ZNF500: variants seen among roughly 807,000 people sequenced by gnomAD.
ZNF500 encodes zinc finger protein with KRAB and SCAN domains 18.
ZNF500 carries 31 observed loss-of-function variants against 30.1 expected under a neutral mutation model. That is an observed-to-expected ratio of 1.03 (90% CI 0.77 to 1.39). The LOEUF is 1.39. Ranked by LOEUF, ZNF500 falls within the 40% of genes most tolerant of loss-of-function variation. The pLI, the probability that ZNF500 is intolerant of heterozygous loss-of-function variation, is 0.00. For synonymous variants in ZNF500, 392 were observed against 282.0 expected (o/e 1.39, Z -3.91); for missense variants, 817 against 657.8 (o/e 1.24, Z -2.65).
In ZNF500 at chr16:4,749,060, TG is replaced by T. The variant is rs2142218795; in HGVS notation, c.*3315del. 1 of 152,524 alleles carries T rather than the reference TG, an allele frequency of 6.6e-6. No homozygotes were observed. The highest frequency in any genetic ancestry group is 2.1e-4 in the South Asian group (1 of 4,836). The allele number at this position is 152,524 out of a possible 1,614,324, so 9.4% of individuals were successfully genotyped here. A position where few individuals can be genotyped will look rare whatever the true frequency, so the allele number is the denominator to read the frequency against. On this transcript the variant is annotated 3_prime_UTR_variant, in exon 6 of 6. Coordinates refer to ENST00000219478, the MANE Select transcript of ZNF500 (RefSeq NM_021646.4). ...TCCCAATGATGAGGGGCATTTTCAT[TG>T]CAAGTCAAAGGCAAGACAGGCTTCC...
At chr16:4,746,144 C>A (rs1317009763), downstream of ZNF500, 4 of 470,324 alleles carry the variant, frequency 8.5e-6, no homozygotes, top group African/African-American at 5.9e-5. Context: ...GCTACACTTA[C>A]CACAGATAGA....
At chr16:4,756,169 G>A (rs939625909) in intron 5 of ZNF500, among the ~76,000 whole-genome samples, 2 of 152,184 alleles carry the variant, frequency 1.3e-5, no homozygotes, top group South Asian at 2.1e-4. Flanking sequence ...ATGCCGATGC[G>A]GGCTGATCAT....
downstream of ZNF500, chr16:4,746,125 T>C: frequency 2.4e-6 from 1 of 420,974 alleles, no homozygotes; most frequent in Non-Finnish European, 4.2e-6. Context: ...TAGCCACTTG[T>C]GCCAAGTGGC....
Position 4,760,583 on chromosome 16 carries a change from G to C in ZNF500, c.669C>G (p.Pro223=), listed in dbSNP as rs142352672. The part of the protein sequence containing the change: ...SPFLSAWSQV[P]VNLEDVAVYL... ...ATACAGCCACGTCCTCCAAGTTCAC[G>C]GGCACCTGCCAGAACGCACCCCACT... Residue 223 remains proline, a synonymous_variant, in exon 5 of 6, where the codon CCC becomes CCG. Transcript: ENST00000219478. 6.2e-7 allele frequency: 1 copy of C among 1,612,944 alleles called. No individual in the cohort carries two copies. The highest frequency in any genetic ancestry group is 8.5e-7 in the Non-Finnish European group (1 of 1,179,484).
chr16:4,746,561 G>C, downstream of ZNF500: 2 of 1,577,508 alleles, frequency 1.3e-6, no homozygotes, highest in Non-Finnish European at 1.7e-6. Context: ...TTGCAGAGTT[G>C]CCTGTTGACC....
In ZNF500 at chr16:4,749,809, C is replaced by G. The variant is rs1211962406; in HGVS notation, c.*2567G>C. The G allele has an allele frequency of 6.6e-6, 1 of 152,146 alleles. No individual in the cohort carries two copies. The highest frequency in any genetic ancestry group is 1.5e-5 in the Non-Finnish European group (1 of 68,060). The allele number at this position is 152,146 out of a possible 1,614,324, so 9.4% of individuals were successfully genotyped here. ...CCTGGGTAATGAAGTGAGACTGTGT[C>G]TCAAAACAAAACAAAAAAAGGAGAC... On this transcript the variant is annotated 3_prime_UTR_variant, in exon 6 of 6. Coordinates refer to ENST00000219478, the MANE Select transcript of ZNF500 (RefSeq NM_021646.4).
At chr16:4,760,286 G>A (rs1208539324) in intron 5 of ZNF500, among the ~76,000 whole-genome samples, 2 of 152,124 alleles carry the variant, frequency 1.3e-5, no homozygotes, top group African/African-American at 4.8e-5. Flanking sequence ...AGAACAGGAT[G>A]GCAAGGCAGT....
At chr16:4,747,295 G>A, downstream of ZNF500, 1 of 1,514,428 alleles carries the variant, frequency 6.6e-7, no homozygotes, top group East Asian at 2.3e-5. Context: ...AGGGCTGGGA[G>A]GGGCGGCCCC....
At position 4,751,581 on chromosome 16, in the gene ZNF500, G is replaced by T; in HGVS notation, c.*795C>A. The T allele has an allele frequency of 2.6e-6, 4 of 1,534,446 alleles. No individual in the cohort carries two copies. Among genetic ancestry groups the T allele is most frequent in the Non-Finnish European group, 3.5e-6 (4 of 1,146,506 alleles). On this transcript the variant is annotated 3_prime_UTR_variant, in exon 6 of 6. Coordinates refer to ENST00000219478, the MANE Select transcript of ZNF500 (RefSeq NM_021646.4). ...GAAGCTGGAGACCACGTCCTGGGAAGGCTGGGGTACAGCAGGGCTCCCTGC... is the reference window on the plus strand; with the variant it reads ...GAAGCTGGAGACCACGTCCTGGGAATGCTGGGGTACAGCAGGGCTCCCTGC...
chr16:4,747,340 C>A (rs773664937), downstream of ZNF500: 6 of 1,560,662 alleles, frequency 3.8e-6, no homozygotes, highest in Admixed American at 7.5e-5. Context: ...CATTGTGTCA[C>A]AGGACCTGTA....
At chr16:4,762,507 C>T in intron 3 of ZNF500, 66 bp downstream of exon 3, 1 of 1,549,878 alleles carries the variant, frequency 6.5e-7, no homozygotes, top group South Asian at 1.2e-5. Flanking sequence ...CCACAGTCCA[C>T]ACCCCAGTCA....
intron 5 of ZNF500, chr16:4,758,191 T>G (rs1436320258): frequency 6.6e-6 from 1 of 152,126 alleles, no homozygotes; most frequent in Non-Finnish European, 1.5e-5. Flanking sequence ...TGAGTCACCG[T>G]GCCTGGCCAT....
At chr16:4,745,051 G>A, downstream of ZNF500, 1 of 1,598,694 alleles carries the variant, frequency 6.3e-7, no homozygotes, top group Non-Finnish European at 8.6e-7. Flanking sequence ...TGGTCCTTTA[G>A]AATGGCCCCA....
At position 4,748,634 on chromosome 16, in the gene ZNF500, T is replaced by C. The variant is rs2082048944; in HGVS notation, c.*3742A>G. 6.6e-6 allele frequency: 1 copy of C among 152,366 alleles called. No individual in the cohort carries two copies. Among genetic ancestry groups the C allele is most frequent in the African/African-American group, 2.4e-5 (1 of 41,452 alleles). The allele number at this position is 152,366 out of a possible 1,614,324, so 9.4% of individuals were successfully genotyped here. A position where few individuals can be genotyped will look rare whatever the true frequency, so the allele number is the denominator to read the frequency against. On this transcript the variant is annotated 3_prime_UTR_variant, in exon 6 of 6. Transcript: ENST00000219478. ...GGGTCCTGTTCCTTTGCCAGCACCG[T>C]CTTGCAGCCCCGTCTTCACGGGATG...
downstream of ZNF500, chr16:4,747,183 C>A: frequency 8.3e-7 from 1 of 1,208,262 alleles, no homozygotes; most frequent in Non-Finnish European, 1.2e-6. Context: ...CTGCCCACGT[C>A]CACTGGGTCC....
intron 2 of ZNF500, chr16:4,762,962 C>A (rs1467437869): frequency 1.0e-6 from 1 of 985,322 alleles, no homozygotes. Flanking sequence ...CTCCCTGTCA[C>A]CACAATCGTT....
chr16:4,766,291 A>G (rs967951996), intron 1 of ZNF500, among the ~76,000 whole-genome samples: 2 of 152,176 alleles, frequency 1.3e-5, no homozygotes, highest in Admixed American at 6.5e-5. Flanking sequence ...GGGCAAACAG[A>G]GATGATAACA....
Position 4,765,799 on chromosome 16 carries a change from C to A in ZNF500, c.180G>T (p.Glu60Asp), listed in dbSNP as rs2082258899. The A allele has an allele frequency of 6.2e-7, 1 of 1,613,190 alleles. No individual in the cohort carries two copies. The highest frequency in any genetic ancestry group is 1.3e-5 in the African/African-American group (1 of 74,942). The change falls in exon 2 of 6, where the codon GAG (glutamate) becomes GAT (aspartate). Residue 60 changes from glutamate (E) to aspartate (D), a missense_variant. Transcript: ENST00000219478. The stretch of plus-strand genomic sequence containing the variant: ...TCAGGGCCTCCCGGGGCCCAGCCAC[C>A]TCCTGGTAGCAGAAGAGCCGGAAGA... The part of the protein sequence containing the change: ...RQLFRLFCYQ[E>D]VAGPREALSR...
At chr16:4,747,816 G>T (rs945852438), downstream of ZNF500, among the ~76,000 whole-genome samples, 3 of 152,114 alleles carry the variant, frequency 2.0e-5, no homozygotes, top group Non-Finnish European at 2.9e-5. Flanking sequence ...TTAGAGGAAG[G>T]ATGCAGATAC....
Sources: allele counts gnomAD v4.1 joint callset (sites outside exome capture counted in the v4.1 genomes callset), GRCh38; gene constraint gnomAD v4.1.1; transcripts MANE v1.5; gene names NCBI Gene and HGNC (gene_info 2026-07-23, HGNC 2026-07-21).